The following SCAPER variants were observed in gnomAD, a reference collection of about 807,000 sequenced individuals.
SCAPER encodes the protein S-phase cyclin A associated protein in the ER.
SCAPER carries 98 observed loss-of-function variants against 182.2 expected under a neutral mutation model. The ratio of observed to expected loss-of-function variants is 0.54; its 90% CI spans 0.46 to 0.64. The LOEUF (loss-of-function observed/expected upper bound fraction) is 0.64. Ranked by LOEUF, SCAPER falls within the 30% of genes least tolerant of loss-of-function variation. SCAPER has a pLI of 0.00. For synonymous variants in SCAPER, 605 were observed against 564.6 expected, an observed-to-expected ratio of 1.07 and a Z score of -1.01; for missense variants, 1,432 against 1,690.0, an observed-to-expected ratio of 0.85 and a Z score of 2.68.
intron 26 of SCAPER, among the ~76,000 whole-genome samples, chr15:76,427,085 G>A (rs918338453): frequency 2.6e-5 from 4 of 152,090 alleles, no homozygotes; most frequent in Admixed American, 2.6e-4. Context: ...AGTTAAAAAT[G>A]TAAATGTAAA....
At chr15:76,867,990 A>G (rs62029241) in intron 2 of SCAPER, among the ~76,000 whole-genome samples, 9,703 of 152,116 alleles carry the variant, frequency 0.064, 344 homozygotes, top group Middle Eastern at 0.11. Context: ...CTTACTGGCC[A>G]GATGCATAGG....
At chr15:76,563,012 T>C (rs2046761061) in intron 23 of SCAPER, among the ~76,000 whole-genome samples, 1 of 152,208 alleles carries the variant, frequency 6.6e-6, no homozygotes, top group African/African-American at 2.4e-5. Context: ...AAACTAGACA[T>C]GTTTAACTAA....
At chr15:76,715,910 C>A (rs1005943624) in intron 17 of SCAPER, among the ~76,000 whole-genome samples, 3 of 152,152 alleles carry the variant, frequency 2.0e-5, no homozygotes, top group Non-Finnish European at 2.9e-5. Flanking sequence ...GGAAAGTGAA[C>A]CTGTGCCTGA....
chr15:76,524,950 G>A (rs922907492), intron 23 of SCAPER, among the ~76,000 whole-genome samples: 2 of 151,720 alleles, frequency 1.3e-5, no homozygotes, highest in Non-Finnish European at 2.9e-5. Context: ...ATGATTGTTA[G>A]GCATAATTTA....
chr15:76,501,308 T>A (rs1237332125), intron 24 of SCAPER, among the ~76,000 whole-genome samples: 7 of 149,610 alleles, frequency 4.7e-5, no homozygotes, highest in African/African-American at 1.7e-4. Flanking sequence ...TTCAAAAAGT[T>A]ACATTTCCAG....
At chr15:76,801,912 G>C (rs2065822319) in intron 6 of SCAPER, among the ~76,000 whole-genome samples, 1 of 145,842 alleles carries the variant, frequency 6.9e-6, no homozygotes, top group Admixed American at 6.8e-5. Context: ...CTGTCTCCAA[G>C]GAAAAAAAAA....
At chr15:76,775,855 A>G (rs755152601) in intron 8 of SCAPER, among the ~76,000 whole-genome samples, 1 of 152,206 alleles carries the variant, frequency 6.6e-6, no homozygotes, top group Non-Finnish European at 1.5e-5. Flanking sequence ...CCTAAAATAA[A>G]TAAGAATCTT....
intron 14 of SCAPER, among the ~76,000 whole-genome samples, chr15:76,758,207 T>C (rs1245313854): frequency 1.3e-5 from 2 of 152,202 alleles, no homozygotes; most frequent in Non-Finnish European, 2.9e-5. Context: ...CTAAAAGTTA[T>C]ATGGTTTCAG....
At chr15:76,779,773 G>C (rs1048466724) in intron 8 of SCAPER, among the ~76,000 whole-genome samples, 4 of 151,310 alleles carry the variant, frequency 2.6e-5, no homozygotes, top group Admixed American at 2.0e-4. Context: ...CTCATGAACT[G>C]AGACGCAAAC....
chr15:76,655,616 A>G (rs2055567504), intron 21 of SCAPER, among the ~76,000 whole-genome samples: 1 of 152,194 alleles, frequency 6.6e-6, no homozygotes, highest in Admixed American at 6.5e-5. Context: ...TCAAAGTGAA[A>G]GGAAGAATTA....
At chr15:76,530,300 TA>T (rs2043548175) in intron 23 of SCAPER, among the ~76,000 whole-genome samples, 1 of 152,174 alleles carries the variant, frequency 6.6e-6, no homozygotes, top group South Asian at 2.1e-4. Flanking sequence ...TGTTGCAACT[TA>T]TCCTTATCTT....
intron 26 of SCAPER, among the ~76,000 whole-genome samples, chr15:76,416,201 G>A (rs1364295728): frequency 6.6e-6 from 1 of 152,022 alleles, no homozygotes; most frequent in African/African-American, 2.4e-5. Flanking sequence ...CTGGCTGGGT[G>A]CGGTGGCTCA....
At chr15:76,899,778 C>T (rs920059405) in intron 1 of SCAPER, among the ~76,000 whole-genome samples, 43 of 150,620 alleles carry the variant, frequency 2.9e-4, no homozygotes, top group Admixed American at 1.1e-3. Context: ...CCGGCCGCCC[C>T]GTCTGGGAAG....
intron 26 of SCAPER, among the ~76,000 whole-genome samples, chr15:76,419,788 T>C (rs1384056731): frequency 3.3e-5 from 5 of 152,192 alleles, no homozygotes; most frequent in Non-Finnish European, 7.3e-5. Flanking sequence ...GAACTTATTT[T>C]ATGAGGCCAG....
intron 5 of SCAPER, among the ~76,000 whole-genome samples, chr15:76,835,791 TTA>T (rs2068886628): frequency 6.6e-6 from 1 of 151,924 alleles, no homozygotes; most frequent in Admixed American, 6.6e-5. Flanking sequence ...CTAGAAAACC[TTA>T]TAGTCTCTGT....
chr15:76,844,646 C>T (rs1454368424), intron 4 of SCAPER, among the ~76,000 whole-genome samples: 1 of 152,080 alleles, frequency 6.6e-6, no homozygotes, highest in African/African-American at 2.4e-5. Flanking sequence ...ACACATACCA[C>T]CTATCAAGAT....
intron 20 of SCAPER, among the ~76,000 whole-genome samples, chr15:76,680,240 T>A (rs1275802646): frequency 1.3e-5 from 2 of 151,882 alleles, no homozygotes; most frequent in Non-Finnish European, 2.9e-5. Context: ...ACCAAAAAAA[T>A]GCATGCAAAT....
intron 26 of SCAPER, among the ~76,000 whole-genome samples, chr15:76,425,470 G>C (rs1203467055): frequency 6.6e-6 from 1 of 152,126 alleles, no homozygotes; most frequent in Non-Finnish European, 1.5e-5. Flanking sequence ...GCTCCATCAG[G>C]TCACTTAAGG....
chr15:76,470,218 A>C (rs2050032796), intron 25 of SCAPER, among the ~76,000 whole-genome samples: 1 of 152,146 alleles, frequency 6.6e-6, no homozygotes, highest in Non-Finnish European at 1.5e-5. Context: ...AGAATCTTGG[A>C]GATAGTGATA....
Sources: allele counts gnomAD v4.1 joint callset (sites outside exome capture counted in the v4.1 genomes callset), GRCh38; gene constraint gnomAD v4.1.1; transcripts MANE v1.5; gene names NCBI Gene and HGNC (gene_info 2026-07-23, HGNC 2026-07-21).